The following METTL26 variants were observed in gnomAD, a reference collection of about 807,000 sequenced individuals.
METTL26 encodes methyltransferase like 26, also known as methyltransferase-like 26.
Under a neutral mutation model 24.7 loss-of-function variants are expected in METTL26, and 28 were observed. The observed-to-expected ratio is 1.13, with a 90% CI of 0.84 to 1.55. The LOEUF is 1.55. Among genes scored for constraint, METTL26 ranks in the 40% most tolerant of loss-of-function variants. METTL26 has a pLI of 0.00. For missense variants in METTL26, 344 were observed against 281.2 expected (o/e 1.22, Z -1.60); for synonymous variants, 165 against 125.2 (o/e 1.32, Z -2.12).
chr16:635,757 T>C lies in METTL26; in HGVS notation c.215A>G (p.Gln72Arg). ...RCLDSIAATT[Q>R]AQGLTNVKAP... ...CTTCACGTTGGTCAGGCCCTGGGCT[T>C]GCGTGGTGGCCGCGATGCTGCAGGA... Residue 72 changes from glutamine to arginine, a missense_variant, in exon 2 of 6, where the codon CAA becomes CGA. By Grantham distance (43) the Gln-to-Arg change is conservative. Coordinates refer to ENST00000301686, the MANE Select transcript of METTL26 (RefSeq NM_032366.5). The C allele has an allele frequency of 2.5e-6, 4 of 1,569,988 alleles. No homozygotes were observed. Among genetic ancestry groups the C allele is most frequent in the Non-Finnish European group, 3.5e-6 (4 of 1,155,208 alleles).
rs1420692066 is a variant in METTL26, at chr16:636,207, G to A, written c.84C>T (p.Gly28=). 1.9e-5 allele frequency: 29 copies of A among 1,488,452 alleles called. No homozygotes were observed. Among genetic ancestry groups the A allele is most frequent in the Non-Finnish European group, 2.5e-5 (28 of 1,125,778 alleles). 92.2% of individuals were successfully genotyped at this position (1,488,452 alleles called of 1,614,324 possible). Reference sequence around the variant, plus strand: ...CCGAGGCCACCTCGAGGACGCGGACGCCACGCTGGGCCGGATCCAGGTACT... The same window carrying A: ...CCGAGGCCACCTCGAGGACGCGGACACCACGCTGGGCCGGATCCAGGTACT... ...LRQYLDPAQR[G]VRVLEVASGS... is the part of the protein sequence containing the mutation. The change falls in exon 1 of 6, where the codon GGC becomes GGT. Residue 28 remains glycine, a synonymous_variant. Coordinates refer to ENST00000301686, the MANE Select transcript of METTL26 (RefSeq NM_032366.5).
chr16:636,213 C>T lies in METTL26; in HGVS notation c.78G>A (p.Gln26=). 2.7e-6 allele frequency: 4 copies of T among 1,490,542 alleles called. No homozygotes were observed. The highest frequency in any genetic ancestry group is 3.6e-6 in the Non-Finnish European group (4 of 1,126,516). The allele number at this position is 1,490,542 out of a possible 1,614,324, so 92.3% of individuals were successfully genotyped here. A position where few individuals can be genotyped will look rare whatever the true frequency, so the allele number is the denominator to read the frequency against. Residue 26 remains glutamine, a synonymous_variant, in exon 1 of 6, where the codon CAG becomes CAA. Coordinates refer to ENST00000301686, the MANE Select transcript of METTL26 (RefSeq NM_032366.5). The stretch of plus-strand genomic sequence containing the variant: ...CCACCTCGAGGACGCGGACGCCACG[C>T]TGGGCCGGATCCAGGTACTGCCGCA... ...HVLRQYLDPA[Q]RGVRVLEVAS...
rs530101742 is a variant in METTL26 at position 635,728 on chromosome 16, G to T, written c.244C>A (p.Pro82Thr). 1 of 1,576,170 alleles carries T rather than the reference G, an allele frequency of 6.3e-7. No homozygotes were observed. Among genetic ancestry groups the T allele is most frequent in the Non-Finnish European group, 8.6e-7 (1 of 1,162,342 alleles). Residue 82 changes from proline to threonine, a missense_variant, in exon 2 of 6, where the codon CCG becomes ACG. Pro to Thr is a conservative substitution (Grantham distance 38). Transcript: ENST00000301686. ...CCCCACGTCACGTCCAGGTGTAGCG[G>T]GGCCTTCACGTTGGTCAGGCCCTGG... ...QAQGLTNVKA[P>T]LHLDVTWGWE...
chr16:635,451 C>T (rs891259078), intron 2 of METTL26, 111 bp from the exon 3 acceptor site: 1 of 621,256 alleles, frequency 1.6e-6, no homozygotes, highest in Non-Finnish European at 2.9e-6. Context: ...GACCCTCACC[C>T]CGACTGTGAT....
Position 634,499 on chromosome 16 carries a change from G to C in METTL26, c.*98C>G. The C allele has an allele frequency of 6.2e-7, 1 of 1,603,786 alleles. No homozygotes were observed. Among genetic ancestry groups the C allele is most frequent in the Non-Finnish European group, 8.5e-7 (1 of 1,171,864 alleles). On this transcript the variant is annotated 3_prime_UTR_variant, in exon 6 of 6. Transcript: ENST00000301686. ...GCCAGCGGCTGAGAGCACAGACTGGGTGGGGCTGTCGTCCACAAGGTCCGG... is the reference window on the plus strand; with the variant it reads ...GCCAGCGGCTGAGAGCACAGACTGGCTGGGGCTGTCGTCCACAAGGTCCGG...
rs1443219141 is a variant in METTL26, at chr16:635,894, G to T, written c.198-120C>A. 5 of 1,384,998 alleles carry T rather than the reference G, an allele frequency of 3.6e-6. No homozygotes were observed. In the African/African-American group the frequency reaches 5.8e-5, roughly 16 times the overall value. 85.8% of individuals were successfully genotyped at this position (1,384,998 alleles called of 1,614,324 possible). A position where few individuals can be genotyped will look rare whatever the true frequency, so the allele number is the denominator to read the frequency against. On this transcript the variant is annotated intron_variant, in intron 1 of 5. Transcript: ENST00000301686. The stretch of plus-strand genomic sequence containing the variant: ...TTGAGGAGCGGAGACCAAAGCGGCT[G>T]GGAAGGGGGACCCCGAGGTCCACCC...
Position 635,358 on chromosome 16 carries a change from G to C in METTL26, c.361-18C>G, listed in dbSNP as rs373126641. The C allele has an allele frequency of 5.1e-5, 81 of 1,591,254 alleles. 1 individual carries two copies. In the African/African-American group the frequency reaches 8.6e-4, roughly 17 times the overall value. ...AAGAGCCCCTGGTGAGTAGGAACAG[G>C]ACGGCAGTGAGGTGCTGCCCCCAAC... is the stretch of plus-strand genomic sequence containing the variant. On this transcript the variant is annotated intron_variant, in intron 2 of 5. Coordinates refer to ENST00000301686, the MANE Select transcript of METTL26 (RefSeq NM_032366.5).
At chr16:635,210 G>C (rs532602895) in intron 3 of METTL26, 71 bp downstream of exon 3, 1 of 1,501,372 alleles carries the variant, frequency 6.7e-7, no homozygotes, top group Non-Finnish European at 9.0e-7. Flanking sequence ...CAGGAGGGAG[G>C]ACTCTCAGCA....
At chr16:635,089 G>C (rs1251523547) in intron 3 of METTL26, 133 bp from the exon 4 acceptor site, 2 of 1,515,706 alleles carry the variant, frequency 1.3e-6, no homozygotes, top group South Asian at 1.2e-5. Context: ...AGTCAGCCAA[G>C]GCCAGCCTGG....
rs373232512 is a variant in METTL26 at position 634,917 on chromosome 16, C to A, written c.460G>T (p.Val154Leu). The change falls in exon 4 of 6, where the codon GTG becomes TTG. Residue 154 changes from valine to leucine, a missense_variant. Transcript: ENST00000301686. ...CATCTGAGCATCAGGTCAAAGTCCA[C>A]GTTGCTCTGGGGGGAGATCTTCCCA... ...INGKISPQSN[V>L]DFDLMLRCRN... The A allele has an allele frequency of 6.2e-7, 1 of 1,606,034 alleles. No individual in the cohort carries two copies. Among genetic ancestry groups the A allele is most frequent in the Admixed American group, 1.7e-5 (1 of 58,866 alleles).
rs2037029442 is a variant in METTL26, at chr16:634,611, A to C, written c.601T>G (p.Phe201Val). ...GAAGGAGGGGCTTAGTTTTTCCGGAAGATCAGGCATTTGTTGTTGGCTGGC... is the reference window on the plus strand; with the variant it reads ...GAAGGAGGGGCTTAGTTTTTCCGGACGATCAGGCATTTGTTGTTGGCTGGC... ...DMPANNKCLI[F>V]RKN The change falls in exon 6 of 6, where the codon TTC (phenylalanine) becomes GTC (valine). Residue 201 changes from phenylalanine (F) to valine (V), a missense_variant. By Grantham distance (50) the Phe-to-Val change is conservative. Transcript: ENST00000301686. 7 of 1,613,392 alleles carry C rather than the reference A, an allele frequency of 4.3e-6. No individual in the cohort carries two copies. The highest frequency in any genetic ancestry group is 5.1e-6 in the Non-Finnish European group (6 of 1,179,986).
rs776936552 is a variant in METTL26, at chr16:634,592, G to A, written c.*5C>T. ...GATGCAGGTGTGCGGGGGTGAAGGA[G>A]GGGCTTAGTTTTTCCGGAAGATCAG... On this transcript the variant is annotated 3_prime_UTR_variant, in exon 6 of 6. Transcript: ENST00000301686. 1 of 1,613,362 alleles carries A rather than the reference G, an allele frequency of 6.2e-7. No individual in the cohort carries two copies. Among genetic ancestry groups the A allele is most frequent in the South Asian group, 1.1e-5 (1 of 91,088 alleles).
At position 635,327 on chromosome 16, in the gene METTL26, G is replaced by T. The variant is rs1238766991; in HGVS notation, c.374C>A (p.Ala125Glu). The T allele has an allele frequency of 2.5e-6, 4 of 1,599,448 alleles. No homozygotes were observed. The highest frequency in any genetic ancestry group is 3.4e-6 in the Non-Finnish European group (4 of 1,173,136). Reference sequence around the variant, plus strand: ...CCTGGGTTTGAGCAGGTGTCCTGCTGCTCTGAAGAGCCCCTGGTGAGTAGG... The same window carrying T: ...CCTGGGTTTGAGCAGGTGTCCTGCTTCTCTGAAGAGCCCCTGGTGAGTAGG... ...PLRCTEGLFR[A>E]AGHLLKPRAL... The change falls in exon 3 of 6, where the codon GCA (alanine) becomes GAA (glutamate). Residue 125 changes from alanine to glutamate, a missense_variant. Coordinates refer to ENST00000301686, the MANE Select transcript of METTL26 (RefSeq NM_032366.5).
In METTL26 at chr16:634,535, C is replaced by T. The variant is rs768556450; in HGVS notation, c.*62G>A. 1.5e-5 allele frequency: 24 copies of T among 1,612,700 alleles called. No individual in the cohort carries two copies. Among genetic ancestry groups the T allele is most frequent in the Non-Finnish European group, 1.9e-5 (23 of 1,179,858 alleles). ...GTCCACAAGGTCCGGCCTAGGGAGGCAGGGTTCGTGCCTCACAGAGCCTCC... is the reference window on the plus strand; with the variant it reads ...GTCCACAAGGTCCGGCCTAGGGAGGTAGGGTTCGTGCCTCACAGAGCCTCC... On this transcript the variant is annotated 3_prime_UTR_variant, in exon 6 of 6. Coordinates refer to ENST00000301686, the MANE Select transcript of METTL26 (RefSeq NM_032366.5).
chr16:635,604 C>T lies in METTL26; in HGVS notation c.360+8G>A. On this transcript the variant is annotated splice_region_variant and intron_variant, in intron 2 of 5. Transcript: ENST00000301686. ...ACGGCAGACACCCATGCTGGGCTCC[C>T]CACAGACCTCCGTGCAGCGCAGGGG... is the stretch of plus-strand genomic sequence containing the variant. 1.3e-6 allele frequency: 2 copies of T among 1,549,056 alleles called. No homozygotes were observed. The highest frequency in any genetic ancestry group is 1.4e-5 in the African/African-American group (1 of 73,170).
chr16:635,316 G>A lies in METTL26; in HGVS notation c.385C>T (p.Leu129=), dbSNP rs776363307. The change falls in exon 3 of 6, where the codon CTG becomes TTG. Residue 129 remains leucine (L), a synonymous_variant. Coordinates refer to ENST00000301686, the MANE Select transcript of METTL26 (RefSeq NM_032366.5). ...ATGAGCAGGGCCCTGGGTTTGAGCA[G>A]GTGTCCTGCTGCTCTGAAGAGCCCC... is the stretch of plus-strand genomic sequence containing the variant. ...TEGLFRAAGH[L]LKPRALLITY... is the part of the protein sequence containing the mutation. 22 of 1,600,032 alleles carry A rather than the reference G, an allele frequency of 1.4e-5. No homozygotes were observed. Among genetic ancestry groups the A allele is most frequent in the Non-Finnish European group, 1.9e-5 (22 of 1,173,414 alleles).
intron 3 of METTL26, 48 bp downstream of exon 3, chr16:635,233 G>A: frequency 6.5e-7 from 1 of 1,531,616 alleles, no homozygotes; most frequent in Non-Finnish European, 8.8e-7. Context: ...GCAGGAGACA[G>A]CAGCTAGGAC....
chr16:636,296 C>T lies in METTL26; in HGVS notation c.-6G>A. ...GCGGCCGCCGCCACCAGCATCGCGG[C>T]AGCAACAACTCCCCGCCGCGGACGC... On this transcript the variant is annotated 5_prime_UTR_variant, in exon 1 of 6. Transcript: ENST00000301686. The T allele has an allele frequency of 7.0e-7, 1 of 1,431,446 alleles. No individual in the cohort carries two copies. Among genetic ancestry groups the T allele is most frequent in the Non-Finnish European group, 9.1e-7 (1 of 1,100,538 alleles). The allele number at this position is 1,431,446 out of a possible 1,614,324, so 88.7% of individuals were successfully genotyped here.
intron 3 of METTL26, 68 bp from the exon 4 acceptor site, chr16:635,024 T>A (rs2037062645): frequency 6.5e-7 from 1 of 1,542,482 alleles, no homozygotes; most frequent in African/African-American, 1.4e-5. Context: ...TGGGACAGAC[T>A]TGCAGGCTGG....
Sources: gnomAD v4.1 joint callset for allele counts on GRCh38, gnomAD v4.1.1 for gene constraint, MANE v1.5 for transcripts, NCBI Gene and HGNC (gene_info 2026-07-23, HGNC 2026-07-21) for gene names.